ALPK3: variants seen among roughly 807,000 people sequenced by gnomAD.
ALPK3 encodes the protein alpha-protein kinase 3.
In ALPK3, 102 loss-of-function variants were observed where a neutral mutation model predicts 140.0. The ratio of observed to expected loss-of-function variants is 0.73; its 90% CI spans 0.62 to 0.86. The LOEUF is 0.86. Among genes scored for constraint, ALPK3 ranks in the 40% least tolerant of loss-of-function variants. The pLI is 0.00. For missense variants in ALPK3, 2,254 were observed against 2,208.2 expected, an observed-to-expected ratio of 1.02 and a Z score of -0.42; for synonymous variants, 938 against 898.5, an observed-to-expected ratio of 1.04 and a Z score of -0.79.
rs545657102 is a variant in ALPK3, at chr15:84,858,144, G to A, written c.3406G>A (p.Glu1136Lys). 5.0e-6 allele frequency: 8 copies of A among 1,604,368 alleles called. No homozygotes were observed. The African/African-American group carries it at 9.4e-5, about 19-fold the overall frequency. The change falls in exon 6 of 14, where the codon GAG (glutamate) becomes AAG (lysine). Residue 1136 changes from glutamate (E) to lysine (K), a missense_variant. By Grantham distance (56) the Glu-to-Lys change is moderately conservative (BLOSUM62 1). Around this residue, in one of 3 missense-constraint regions of ALPK3, gnomAD observed 2,088 missense variants for 2,022.9 expected, o/e 1.03. Transcript: ENST00000258888. ...GCCCTCAGCAGAGAGCATAGCCCAG[G>A]AGCCCTCCCAAGAGGAGAAGTTCCC... is the stretch of plus-strand genomic sequence containing the variant. ...QGPSAESIAQ[E>K]PSQEEKFPGE...
Position 84,856,651 on chromosome 15 carries a change from A to G in ALPK3, c.1913A>G (p.Lys638Arg). ...QTAQRTRADR[K>R]TQVDAGTQES... ...GCCCAGAGGACACGTGCAGATAGGAAGACGCAGGTGGATGCTGGGACACAA... is the reference window on the plus strand; with the variant it reads ...GCCCAGAGGACACGTGCAGATAGGAGGACGCAGGTGGATGCTGGGACACAA... Residue 638 changes from lysine to arginine, a missense_variant, in exon 6 of 14, where the codon AAG becomes AGG. Physicochemically the swap from Lys to Arg is conservative, Grantham distance 26. This residue lies in a region of ALPK3 where 2,088 missense variants were observed against 2,022.9 expected (regional missense o/e 1.03). Coordinates refer to ENST00000258888, the MANE Select transcript of ALPK3 (RefSeq NM_020778.5). 1 of 1,614,146 alleles carries G rather than the reference A, an allele frequency of 6.2e-7. No homozygotes were observed. Among genetic ancestry groups the G allele is most frequent in the Non-Finnish European group, 8.5e-7 (1 of 1,180,024 alleles).
intron 5 of ALPK3, among the ~76,000 whole-genome samples, chr15:84,851,155 A>C (rs190358059): frequency 2.6e-5 from 4 of 152,324 alleles, no homozygotes; most frequent in African/African-American, 7.2e-5. Flanking sequence ...TTTGGGGTAG[A>C]GGAGGGAACT....
At chr15:84,824,069 ATCTT>A (rs749825598) in intron 2 of ALPK3, among the ~76,000 whole-genome samples, 23 of 152,060 alleles carry the variant, frequency 1.5e-4, no homozygotes, top group Middle Eastern at 3.2e-3. Context: ...CTTATTGTCT[ATCTT>A]CTTCTAACCA....
At chr15:84,830,826 T>C (rs1963538428) in intron 3 of ALPK3, among the ~76,000 whole-genome samples, 1 of 152,024 alleles carries the variant, frequency 6.6e-6, no homozygotes, top group African/African-American at 2.4e-5. Flanking sequence ...GCCTCCTGAG[T>C]AGCTGGGACC....
intron 2 of ALPK3, among the ~76,000 whole-genome samples, chr15:84,825,386 A>G (rs570881055): frequency 1.4e-4 from 21 of 152,170 alleles, no homozygotes; most frequent in Non-Finnish European, 2.5e-4. Flanking sequence ...CACATTGGCC[A>G]GGCTGGTCTC....
rs773522765 is a variant in ALPK3, at chr15:84,862,729, C to G, written c.4224C>G (p.Ser1408Arg). The G allele has an allele frequency of 6.2e-7, 1 of 1,614,106 alleles. No homozygotes were observed. The highest frequency in any genetic ancestry group is 8.5e-7 in the Non-Finnish European group (1 of 1,180,000). ...WGDKLFGRLV[S>R]EELRGGGYGC... ...ACAAGCTCTTTGGGCGACTGGTAAG[C>G]GAGGAGCTCCGAGGGGGTGGATATG... Residue 1408 changes from serine (S) to arginine (R), a missense_variant, in exon 10 of 14, where the codon AGC (serine) becomes AGG (arginine). Physicochemically the swap from Ser to Arg is moderately radical, Grantham distance 110. Around this residue, in one of 3 missense-constraint regions of ALPK3, gnomAD observed 2,088 missense variants for 2,022.9 expected, o/e 1.03. Coordinates refer to ENST00000258888, the MANE Select transcript of ALPK3 (RefSeq NM_020778.5).
intron 2 of ALPK3, 97 bp from the exon 3 acceptor site, chr15:84,827,387 G>A: frequency 1.3e-6 from 2 of 1,534,802 alleles, no homozygotes; most frequent in Non-Finnish European, 1.8e-6. Context: ...ACAGGAAGAT[G>A]GGCAGGCATG....
At chr15:84,824,437 AG>A (rs1963462488) in intron 2 of ALPK3, among the ~76,000 whole-genome samples, 3 of 152,212 alleles carry the variant, frequency 2.0e-5, no homozygotes, top group Non-Finnish European at 4.4e-5. Context: ...AGACTCTGAT[AG>A]TTTTGGGGAG....
intron 12 of ALPK3, 131 bp from the exon 13 acceptor site, chr15:84,867,169 TGATGCCAGCCTGGGCTG>T: frequency 5.6e-6 from 3 of 532,464 alleles, no homozygotes; most frequent in East Asian, 3.3e-5. Context: ...CCCAGGAAGT[TGATGCCAGCCTGGGCTG>T]GTTCTAAGCC....
chr15:84,832,013 T>C (rs1429403501), intron 3 of ALPK3, among the ~76,000 whole-genome samples: 1 of 152,234 alleles, frequency 6.6e-6, no homozygotes, highest in Non-Finnish European at 1.5e-5. Flanking sequence ...CCCTCAGTTA[T>C]GCTGGCTTAC....
intron 11 of ALPK3, among the ~76,000 whole-genome samples, chr15:84,863,867 C>T (rs1356825599): frequency 2.6e-5 from 4 of 152,206 alleles, no homozygotes; most frequent in Non-Finnish European, 4.4e-5. Context: ...CCGCCCACCC[C>T]GGTTCCTCAT....
intron 9 of ALPK3, 144 bp downstream of exon 9, chr15:84,860,216 G>A: frequency 9.6e-7 from 1 of 1,042,846 alleles, no homozygotes; most frequent in Non-Finnish European, 1.4e-6. Flanking sequence ...GGGAGATGAT[G>A]GAGGAGGACT....
At chr15:84,846,492 T>C (rs1045872128) in intron 5 of ALPK3, among the ~76,000 whole-genome samples, 18 of 152,238 alleles carry the variant, frequency 1.2e-4, no homozygotes, top group African/African-American at 3.1e-4. Context: ...AAGACTAGGC[T>C]GGGGAACATG....
chr15:84,839,813 C>T lies in ALPK3; in HGVS notation c.534C>T (p.His178=). 1 of 1,614,118 alleles carries T rather than the reference C, an allele frequency of 6.2e-7. No individual in the cohort carries two copies. Among genetic ancestry groups the T allele is most frequent in the Non-Finnish European group, 8.5e-7 (1 of 1,180,042 alleles). Residue 178 remains histidine, a synonymous_variant, in exon 5 of 14, where the codon CAC becomes CAT. Transcript: ENST00000258888. ...EVGTMTEYKI[H]QRWFAKLKRK... ...GCACCATGACTGAGTACAAGATCCA[C>T]CAGCGCTGGTTCGCCAAGTTGAAGC... is the stretch of plus-strand genomic sequence containing the variant.
chr15:84,840,505 A>C lies in ALPK3; in HGVS notation c.1226A>C (p.Gln409Pro), dbSNP rs765187060. ...AAGGCCCCTGGCCCAGGCCCAGGCC[A>C]GGAAGTGTATTTCTCCTTGAAGGAC... ...AQKAPGPGPGQEVYFSLKDMY... is the reference protein window; with the variant it reads ...AQKAPGPGPGPEVYFSLKDMY... Residue 409 changes from glutamine to proline, a missense_variant, in exon 5 of 14, where the codon CAG becomes CCG. Physicochemically the swap from Gln to Pro is moderately conservative, Grantham distance 76. This residue lies in a region of ALPK3 where 2,088 missense variants were observed against 2,022.9 expected (regional missense o/e 1.03). Coordinates refer to ENST00000258888, the MANE Select transcript of ALPK3 (RefSeq NM_020778.5). The C allele has an allele frequency of 6.2e-7, 1 of 1,612,244 alleles. No individual in the cohort carries two copies.
intron 5 of ALPK3, among the ~76,000 whole-genome samples, chr15:84,847,357 T>C (rs1963744677): frequency 6.6e-6 from 1 of 151,920 alleles, no homozygotes; most frequent in Non-Finnish European, 1.5e-5. Context: ...AAGACAGTGA[T>C]GCAGAAAAAA....
At chr15:84,846,402 C>G (rs1963731856) in intron 5 of ALPK3, among the ~76,000 whole-genome samples, 1 of 152,194 alleles carries the variant, frequency 6.6e-6, no homozygotes, top group African/African-American at 2.4e-5. Context: ...AATCATCTGA[C>G]TTTACTATAA....
rs1964081284 is a variant in ALPK3 at position 84,872,209 on chromosome 15, C to T, written c.*3753C>T. ...CCAGGGCCAAGTGTTCAGGCTCTCC[C>T]AGAGCCCAGTGGTGAGCCAGAAGGG... On this transcript the variant is annotated 3_prime_UTR_variant, in exon 14 of 14. Coordinates refer to ENST00000258888, the MANE Select transcript of ALPK3 (RefSeq NM_020778.5). 6.6e-6 allele frequency: 1 copy of T among 152,240 alleles called. No homozygotes were observed. Among genetic ancestry groups the T allele is most frequent in the South Asian group, 2.1e-4 (1 of 4,834 alleles). The allele number at this position is 152,240 out of a possible 1,614,324, so 9.4% of individuals were successfully genotyped here.
Position 84,817,356 on chromosome 15 carries a change from G to C in ALPK3, c.-97G>C. The C allele has an allele frequency of 1.6e-6, 2 of 1,233,188 alleles. No individual in the cohort carries two copies. The highest frequency in any genetic ancestry group is 2.0e-6 in the Non-Finnish European group (2 of 990,144). The allele number at this position is 1,233,188 out of a possible 1,614,324, so 76.4% of individuals were successfully genotyped here. On this transcript the variant is annotated 5_prime_UTR_variant, in exon 1 of 14. Transcript: ENST00000258888. ...ATAGGGGCGCGCGTCAGCCGCGGGC[G>C]GGAGCGGCGGCGGCGGGCAGGGGCC...
Sources: gnomAD v4.1 joint callset for allele counts (sites outside exome capture counted in the v4.1 genomes callset) on GRCh38, gnomAD v4.1.1 for gene constraint, gnomAD v4.1.1 regional missense constraint, MANE v1.5 for transcripts, NCBI Gene and HGNC (gene_info 2026-07-23, HGNC 2026-07-21) for gene names.